The following ACER3 variants were observed in gnomAD, a reference collection of about 807,000 sequenced individuals.
ACER3 encodes the protein alkaline ceramidase 3.
ACER3 carries 16 observed loss-of-function variants against 48.9 expected under a neutral mutation model. That is an observed-to-expected ratio of 0.33 (90% CI 0.22 to 0.50). ACER3 has a LOEUF of 0.50. Among genes scored for constraint, ACER3 ranks in the 20% least tolerant of loss-of-function variants. The pLI is 0.98. For missense variants in ACER3, 227 were observed against 326.0 expected, an observed-to-expected ratio of 0.70 and a Z score of 2.34; for synonymous variants, 109 against 107.8, an observed-to-expected ratio of 1.01 and a Z score of -0.07.
intron 7 of ACER3, among the ~76,000 whole-genome samples, chr11:77,006,738 T>C (rs2135292641): frequency 6.6e-6 from 1 of 152,300 alleles, no homozygotes; most frequent in East Asian, 1.9e-4. Context: ...AAGATGTTGT[T>C]TGTCTCTCAC....
chr11:76,985,008 G>A (rs1017779692), intron 4 of ACER3, among the ~76,000 whole-genome samples: 9 of 151,978 alleles, frequency 5.9e-5, no homozygotes, highest in Non-Finnish European at 1.2e-4. Flanking sequence ...ACATGGCTTC[G>A]CCTCTTTGTA....
chr11:77,022,883 AAAAAAAAAAG>A lies in ACER3; in HGVS notation c.*2561_*2570del, dbSNP rs1472680916. 2.3e-4 allele frequency: 5 copies of A among 21,648 alleles called. No homozygotes were observed. The highest frequency in any genetic ancestry group is 5.9e-4 in the East Asian group (1 of 1,694). 1.3% of individuals were successfully genotyped at this position (21,648 alleles called of 1,614,324 possible). The stretch of plus-strand genomic sequence containing the variant: ...GACTCCGTCTCAAAAAAAAAAAAAA[AAAAAAAAAAG>A]AAAAGAAAAGAAAATATAAGGATGT... On this transcript the variant is annotated 3_prime_UTR_variant, in exon 11 of 11. Coordinates refer to ENST00000532485, the MANE Select transcript of ACER3 (RefSeq NM_018367.7).
chr11:76,895,276 A>G (rs1945901106), intron 1 of ACER3, among the ~76,000 whole-genome samples: 1 of 152,084 alleles, frequency 6.6e-6, no homozygotes, highest in African/African-American at 2.4e-5. Context: ...CTATATCTCA[A>G]TATCATATTG....
chr11:76,879,236 G>A (rs1397466942), intron 1 of ACER3, among the ~76,000 whole-genome samples: 1 of 151,874 alleles, frequency 6.6e-6, no homozygotes, highest in African/African-American at 2.4e-5. Flanking sequence ...TTTTCTTCTG[G>A]AAGCTTTATA....
intron 2 of ACER3, among the ~76,000 whole-genome samples, chr11:76,950,839 C>T (rs56366003): frequency 0.022 from 3,318 of 152,182 alleles, 122 homozygotes; most frequent in African/African-American, 0.076. Flanking sequence ...GTTATAACCA[C>T]AGAAAGTATG....
Position 77,016,885 on chromosome 11 carries a change from A to C in ACER3, c.704+106A>C, listed in dbSNP as rs528640114. ...ATTTTTAAAACACTAGAAAATTCAC[A>C]AACATGAAAATTAAATAGTACACTC... On this transcript the variant is annotated intron_variant, in intron 9 of 10. Transcript: ENST00000532485. The C allele has an allele frequency of 1.0e-5, 6 of 576,252 alleles. No individual in the cohort carries two copies. The South Asian group carries it at 1.6e-4, about 15-fold the overall frequency. The allele number at this position is 576,252 out of a possible 1,614,324, so 35.7% of individuals were successfully genotyped here.
At chr11:76,940,891 A>G (rs1947320678) in intron 2 of ACER3, among the ~76,000 whole-genome samples, 1 of 150,470 alleles carries the variant, frequency 6.6e-6, no homozygotes, top group South Asian at 2.1e-4. Flanking sequence ...AAGTGAATGA[A>G]AAAAATGAAT....
At chr11:76,875,850 C>T (rs11236992) in intron 1 of ACER3, among the ~76,000 whole-genome samples, 15,929 of 150,952 alleles carry the variant, frequency 0.11, 1,042 homozygotes, top group East Asian at 0.35. Context: ...ATTCTCCTGC[C>T]TCAGCTTCCC....
intron 1 of ACER3, among the ~76,000 whole-genome samples, chr11:76,897,067 C>A (rs1945952480): frequency 6.6e-6 from 1 of 152,152 alleles, no homozygotes; most frequent in Non-Finnish European, 1.5e-5. Flanking sequence ...AAGTGATTCT[C>A]ATGACTCAGC....
rs1313326918 is a variant in ACER3, at chr11:76,943,015, T to C, written c.215-15964T>C. Among the ~76,000 whole-genome samples the C allele has an allele frequency of 5.3e-5, 8 of 152,042 alleles. No individual in the cohort carries two copies. In the East Asian group the frequency reaches 1.5e-3, roughly 29 times the overall value. On this transcript the variant is annotated intron_variant, in intron 2 of 10. Coordinates refer to ENST00000532485, the MANE Select transcript of ACER3 (RefSeq NM_018367.7). ...TCTTTTGTATTTTTGTGGTATCAAT[T>C]GTAATGTCTCCCTTTTCATTTCTGA...
intron 5 of ACER3, among the ~76,000 whole-genome samples, chr11:76,990,290 T>G (rs992342811): frequency 1.3e-5 from 2 of 152,202 alleles, no homozygotes; most frequent in Non-Finnish European, 2.9e-5. Context: ...ATGCAGAGTT[T>G]GGAGTGGTCC....
intron 4 of ACER3, among the ~76,000 whole-genome samples, chr11:76,977,465 T>G (rs1386268715): frequency 6.6e-6 from 1 of 152,186 alleles, no homozygotes; most frequent in Non-Finnish European, 1.5e-5. Flanking sequence ...TCTAGCTAAG[T>G]CACTGGGAAC....
intron 3 of ACER3, among the ~76,000 whole-genome samples, chr11:76,966,580 G>T (rs12786888): frequency 0.58 from 87,114 of 150,594 alleles, 28,580 homozygotes; most frequent in Non-Finnish European, 0.74. Flanking sequence ...CTCAGCAAAT[G>T]TAAAAGAACA....
intron 1 of ACER3, among the ~76,000 whole-genome samples, chr11:76,892,822 C>T (rs979388984): frequency 1.1e-4 from 16 of 151,908 alleles, no homozygotes; most frequent in African/African-American, 3.6e-4. Context: ...CAATTTGTCA[C>T]GAGAAAGAAA....
chr11:76,917,701 T>A (rs908756305), intron 1 of ACER3, among the ~76,000 whole-genome samples: 24 of 149,898 alleles, frequency 1.6e-4, no homozygotes, highest in South Asian at 6.4e-4. Context: ...TACAGAAAAA[T>A]TTTTTTTTAA....
At chr11:76,988,815 A>G (rs1452168163) in intron 5 of ACER3, among the ~76,000 whole-genome samples, 4 of 152,228 alleles carry the variant, frequency 2.6e-5, no homozygotes, top group East Asian at 1.9e-4. Flanking sequence ...TGCCTGGCCA[A>G]TCAAGTGTAT....
intron 3 of ACER3, among the ~76,000 whole-genome samples, chr11:76,965,928 A>G (rs929176255): frequency 6.6e-6 from 1 of 151,294 alleles, no homozygotes; most frequent in Non-Finnish European, 1.5e-5. Flanking sequence ...AGCTAACATC[A>G]TAATGACAGG....
At chr11:76,897,718 A>G (rs963526124) in intron 1 of ACER3, among the ~76,000 whole-genome samples, 5 of 151,990 alleles carry the variant, frequency 3.3e-5, no homozygotes, top group African/African-American at 1.2e-4. Flanking sequence ...TTTTTTTTTG[A>G]AAGGACAAGG....
intron 2 of ACER3, among the ~76,000 whole-genome samples, chr11:76,930,158 A>C (rs1160703940): frequency 2.0e-5 from 3 of 152,130 alleles, no homozygotes; most frequent in Admixed American, 2.0e-4. Context: ...TCATTGGTGT[A>C]TTCAGGGATT....
Sources: gnomAD v4.1 joint callset for allele counts (sites outside exome capture counted in the v4.1 genomes callset) on GRCh38, gnomAD v4.1.1 for gene constraint, MANE v1.5 for transcripts, NCBI Gene and HGNC (gene_info 2026-07-23, HGNC 2026-07-21) for gene names.